RAPGEF4: variants seen among roughly 807,000 people sequenced by gnomAD.
The protein encoded by RAPGEF4 is Rap guanine nucleotide exchange factor 4.
Under a neutral mutation model 147.9 loss-of-function variants are expected in RAPGEF4, and 66 were observed. The observed-to-expected ratio is 0.45, with a 90% CI of 0.37 to 0.55. RAPGEF4 has a LOEUF of 0.55. RAPGEF4 is among the 20% of genes least tolerant of loss of function. RAPGEF4 has a pLI of 0.00. For synonymous variants in RAPGEF4, 419 were observed against 442.7 expected (o/e 0.95, Z 0.67); for missense variants, 1,071 against 1,257.3 (o/e 0.85, Z 2.24).
intron 6 of RAPGEF4, 128 bp from the exon 7 acceptor site, chr2:172,960,630 ATC>A (rs1689187084): frequency 1.5e-6 from 1 of 654,124 alleles, no homozygotes. Flanking sequence ...GGCAGAATTT[ATC>A]TCTTATTTTT....
At chr2:172,796,671 G>A (rs1454851273) in intron 2 of RAPGEF4, among the ~76,000 whole-genome samples, 1 of 152,074 alleles carries the variant, frequency 6.6e-6, no homozygotes. Context: ...ACAGGCATAT[G>A]CCACCATGTC....
At position 172,983,566 on chromosome 2, in the gene RAPGEF4, C is replaced by T. The variant is rs1210713314; in HGVS notation, c.1075C>T (p.His359Tyr). ...GCTTCTTCATATTAAAGCCTTATCC[C>T]ATCTTTCTACCACAGTAAGTTGTCT... The part of the protein sequence containing the change: ...EELLHIKALS[H>Y]LSTTVKRELA... Residue 359 changes from histidine to tyrosine, a missense_variant, in exon 11 of 31, where the codon CAT becomes TAT. By Grantham distance (83) the His-to-Tyr change is moderately conservative (BLOSUM62 2). Coordinates refer to ENST00000397081, the MANE Select transcript of RAPGEF4 (RefSeq NM_007023.4). 7 of 1,613,644 alleles carry T rather than the reference C, an allele frequency of 4.3e-6. No individual in the cohort carries two copies. Among genetic ancestry groups the T allele is most frequent in the Admixed American group, 1.7e-5 (1 of 59,926 alleles).
rs570298586 is a variant in RAPGEF4 at position 172,748,536 on chromosome 2, C to T, written c.65+12488C>T. The stretch of plus-strand genomic sequence containing the variant: ...CAAGAACAGAATTGGGGAAGCTGCC[C>T]CCATGATTCAGTTATCTCCCACCGG... On this transcript the variant is annotated intron_variant, in intron 1 of 30. Coordinates refer to ENST00000397081, the MANE Select transcript of RAPGEF4 (RefSeq NM_007023.4). 9.9e-4 allele frequency among the ~76,000 whole-genome samples: 151 copies of T among 152,174 alleles called. 1 individual carries two copies. Among genetic ancestry groups the T allele is most frequent in the Middle Eastern group, 6.8e-3 (2 of 294 alleles).
chr2:172,871,926 A>G (rs1425418886), intron 4 of RAPGEF4, among the ~76,000 whole-genome samples: 1 of 152,170 alleles, frequency 6.6e-6, no homozygotes, highest in Non-Finnish European at 1.5e-5. Flanking sequence ...ACTTGCTTGG[A>G]GTCACACAGC....
intron 23 of RAPGEF4, among the ~76,000 whole-genome samples, chr2:173,024,843 T>C (rs1450089532): frequency 6.6e-6 from 1 of 152,244 alleles, no homozygotes; most frequent in African/African-American, 2.4e-5. Flanking sequence ...CTGTTCACAC[T>C]GTCCATGGGG....
chr2:172,740,122 G>A (rs1316985857), intron 1 of RAPGEF4, among the ~76,000 whole-genome samples: 1 of 152,190 alleles, frequency 6.6e-6, no homozygotes, highest in Admixed American at 6.5e-5. Flanking sequence ...GAGACTGTGG[G>A]CCCACAGAGC....
intron 4 of RAPGEF4, among the ~76,000 whole-genome samples, chr2:172,916,700 T>C (rs1684110864): frequency 6.6e-6 from 1 of 152,190 alleles, no homozygotes; most frequent in Non-Finnish European, 1.5e-5. Flanking sequence ...AAAAGCTAGT[T>C]ACATCTTGAC....
At chr2:172,856,918 A>C (rs1366572821) in intron 4 of RAPGEF4, among the ~76,000 whole-genome samples, 1 of 152,162 alleles carries the variant, frequency 6.6e-6, no homozygotes, top group Admixed American at 6.5e-5. Context: ...ATGAAAAGTT[A>C]TAAAAATTGG....
chr2:172,939,797 G>A (rs911124941), intron 6 of RAPGEF4, among the ~76,000 whole-genome samples: 1 of 152,156 alleles, frequency 6.6e-6, no homozygotes, highest in Admixed American at 6.5e-5. Context: ...ACAGATGTGT[G>A]TATAAGGCAT....
intron 26 of RAPGEF4, among the ~76,000 whole-genome samples, chr2:173,032,589 G>A (rs1167181340): frequency 6.6e-6 from 1 of 152,064 alleles, no homozygotes; most frequent in African/African-American, 2.4e-5. Flanking sequence ...ACTCTGTGTG[G>A]GGTGAGATCC....
chr2:172,873,854 G>A (rs949638757), intron 4 of RAPGEF4, among the ~76,000 whole-genome samples: 6 of 151,918 alleles, frequency 3.9e-5, no homozygotes, highest in African/African-American at 9.7e-5. Context: ...TTTACAAGAA[G>A]AAAACAAACA....
intron 7 of RAPGEF4, 40 bp from the exon 8 acceptor site, chr2:172,961,082 C>G (rs1182577817): frequency 7.1e-7 from 1 of 1,409,698 alleles, no homozygotes; most frequent in Admixed American, 1.7e-5. Context: ...TCTATAAACA[C>G]TTCTTTCTCC....
intron 4 of RAPGEF4, among the ~76,000 whole-genome samples, chr2:172,911,302 A>C (rs1050198389): frequency 1.3e-5 from 2 of 152,166 alleles, no homozygotes; most frequent in Admixed American, 1.3e-4. Flanking sequence ...GGGGATAGGG[A>C]AACTGCAGCA....
intron 4 of RAPGEF4, among the ~76,000 whole-genome samples, chr2:172,846,981 G>T (rs142067798): frequency 1.3e-5 from 2 of 152,350 alleles, no homozygotes; most frequent in Non-Finnish European, 2.9e-5. Flanking sequence ...AGGATGGAAT[G>T]GAGCTTAGTA....
chr2:172,750,428 C>G (rs1315750924), intron 1 of RAPGEF4, among the ~76,000 whole-genome samples: 1 of 151,544 alleles, frequency 6.6e-6, no homozygotes, highest in African/African-American at 2.4e-5. Flanking sequence ...CTTTATAAAA[C>G]CATCAGATGT....
In RAPGEF4 at chr2:172,859,302, G is replaced by A. The variant is rs371508140; in HGVS notation, c.444+44877G>A. On this transcript the variant is annotated intron_variant, in intron 4 of 30. Transcript: ENST00000397081. Reference sequence around the variant, plus strand: ...ATCATTGTAAATCTGAGTTTAAAAAGCATTGAGGTGCTGCTAAGGCAGCAA... The same window carrying A: ...ATCATTGTAAATCTGAGTTTAAAAAACATTGAGGTGCTGCTAAGGCAGCAA... Among the ~76,000 whole-genome samples, 18 of 152,248 alleles carry A rather than the reference G, an allele frequency of 1.2e-4. 1 individual carries two copies. In the Middle Eastern group the frequency reaches 0.017, roughly 144 times the overall value.
chr2:172,765,084 C>G (rs551640642), intron 1 of RAPGEF4, among the ~76,000 whole-genome samples: 1 of 152,224 alleles, frequency 6.6e-6, no homozygotes, highest in Non-Finnish European at 1.5e-5. Context: ...TTGCCTCTTC[C>G]TAGCCTCTGA....
At chr2:172,973,984 T>C (rs571831734) in intron 10 of RAPGEF4, among the ~76,000 whole-genome samples, 1 of 152,288 alleles carries the variant, frequency 6.6e-6, no homozygotes, top group South Asian at 2.1e-4. Flanking sequence ...TAAAAGGAAT[T>C]CAATAATACC....
chr2:172,914,391 A>G (rs901578443), intron 4 of RAPGEF4, among the ~76,000 whole-genome samples: 36 of 127,724 alleles, frequency 2.8e-4, no homozygotes, highest in African/African-American at 1.1e-3. Flanking sequence ...TTGGAGTGCA[A>G]TGGCACGATC....
Sources: gnomAD v4.1 joint callset for allele counts (sites outside exome capture counted in the v4.1 genomes callset) on GRCh38, gnomAD v4.1.1 for gene constraint, MANE v1.5 for transcripts, NCBI Gene and HGNC (gene_info 2026-07-23, HGNC 2026-07-21) for gene names.